STAG1: variants seen among roughly 807,000 people sequenced by gnomAD.
STAG1 encodes STAG1 cohesin complex component, also known as cohesin subunit SA-1.
Under a neutral mutation model 170.9 loss-of-function variants are expected in STAG1, and 26 were observed. That is an observed-to-expected ratio of 0.15 (90% CI 0.11 to 0.21). The LOEUF (loss-of-function observed/expected upper bound fraction) is 0.21, where lower values mean the gene tolerates loss of function less well. Among genes scored for constraint, STAG1 ranks in the 10% least tolerant of loss-of-function variants. The pLI is 1.00. For missense variants in STAG1, 964 were observed against 1,509.5 expected (o/e 0.64, Z 5.99); for synonymous variants, 514 against 497.7 (o/e 1.03, Z -0.44).
intron 16 of STAG1, among the ~76,000 whole-genome samples, chr3:136,429,398 ACT>A (rs1199327111): frequency 1.3e-5 from 2 of 152,118 alleles, no homozygotes; most frequent in East Asian, 1.9e-4. Context: ...CAAGAGCGAA[ACT>A]CTGTCTCAAA....
intron 5 of STAG1, among the ~76,000 whole-genome samples, chr3:136,550,409 G>A (rs1478515801): frequency 4.6e-5 from 7 of 151,512 alleles, no homozygotes; most frequent in African/African-American, 1.2e-4. Context: ...CCGGATTCAC[G>A]CCATTCTCCT....
Position 136,477,430 on chromosome 3 carries a change from A to G in STAG1, c.903-18T>C, listed in dbSNP as rs1351600270. The G allele has an allele frequency of 1.9e-6, 3 of 1,586,992 alleles. No homozygotes were observed. The South Asian group carries it at 3.5e-5, about 18-fold the overall frequency. On this transcript the variant is annotated intron_variant, in intron 9 of 33. Transcript: ENST00000383202. The stretch of plus-strand genomic sequence containing the variant: ...TAGCATCACTAGAGAGAGAAAAAAA[A>G]GACAATCTCAAATTAATATACAAAG...
At chr3:136,420,841 C>T (rs2087932145) in intron 20 of STAG1, among the ~76,000 whole-genome samples, 1 of 152,216 alleles carries the variant, frequency 6.6e-6, no homozygotes. Flanking sequence ...GAGGCACGAT[C>T]TCGGCTCACG....
At chr3:136,480,991 G>C (rs2089890454) in intron 9 of STAG1, among the ~76,000 whole-genome samples, 1 of 137,322 alleles carries the variant, frequency 7.3e-6, no homozygotes, top group East Asian at 2.4e-4. Flanking sequence ...TGAGACGATG[G>C]GGTTTTCTAG....
chr3:136,391,930 C>T (rs918899125), intron 22 of STAG1, among the ~76,000 whole-genome samples: 1 of 152,128 alleles, frequency 6.6e-6, no homozygotes, highest in African/African-American at 2.4e-5. Context: ...TTTCAAATAA[C>T]GATCAAAGCT....
intron 7 of STAG1, among the ~76,000 whole-genome samples, chr3:136,519,549 A>T (rs1934563058): frequency 6.6e-6 from 1 of 151,938 alleles, no homozygotes; most frequent in South Asian, 2.1e-4. Context: ...TTTTTTCCAA[A>T]TTGCTGAATT....
Position 136,343,840 on chromosome 3 carries a change from A to G in STAG1, c.3438T>C (p.Phe1146=), listed in dbSNP as rs780459415. The change falls in exon 30 of 34, where the codon TTT becomes TTC. Residue 1146 remains phenylalanine, a synonymous_variant. Transcript: ENST00000383202. ...AAATTTTTGCTACTTACTTGTGTAA[A>G]AAGTCTGGTTCAGAACCATGTTCAG... The part of the protein sequence containing the change: ...PESEHGSEPD[F]LHNPQMQISW... 8.4e-6 allele frequency: 13 copies of G among 1,541,618 alleles called. No individual in the cohort carries two copies. The highest frequency in any genetic ancestry group is 1.1e-5 in the Non-Finnish European group (13 of 1,146,288).
intron 9 of STAG1, among the ~76,000 whole-genome samples, chr3:136,497,928 C>T (rs1049694327): frequency 6.7e-6 from 1 of 150,364 alleles, no homozygotes; most frequent in Non-Finnish European, 1.5e-5. Context: ...CCTGGTGGCT[C>T]ACGACTATAA....
intron 26 of STAG1, among the ~76,000 whole-genome samples, chr3:136,362,440 G>T: frequency 6.6e-6 from 1 of 150,802 alleles, no homozygotes; most frequent in Middle Eastern, 3.2e-3. Context: ...TCAAAGTGCT[G>T]ATTGATGTAT....
At chr3:136,637,033 A>G (rs1235778995) in intron 1 of STAG1, among the ~76,000 whole-genome samples, 1 of 152,224 alleles carries the variant, frequency 6.6e-6, no homozygotes, top group African/African-American at 2.4e-5. Flanking sequence ...CCACACAGAC[A>G]TGGGGAAAAT....
At chr3:136,624,992 T>C (rs1230763175) in intron 2 of STAG1, among the ~76,000 whole-genome samples, 1 of 152,196 alleles carries the variant, frequency 6.6e-6, no homozygotes, top group African/African-American at 2.4e-5. Flanking sequence ...TTATATAAGT[T>C]AACTTTTTAA....
At chr3:136,739,722 G>A (rs1934557186) in intron 1 of STAG1, among the ~76,000 whole-genome samples, 2 of 151,870 alleles carry the variant, frequency 1.3e-5, no homozygotes, top group Non-Finnish European at 2.9e-5. Context: ...TACTCGAGAG[G>A]CTGAGGCAGG....
At chr3:136,564,020 C>T (rs958334026) in intron 5 of STAG1, among the ~76,000 whole-genome samples, 1 of 150,830 alleles carries the variant, frequency 6.6e-6, no homozygotes, top group Non-Finnish European at 1.5e-5. Flanking sequence ...AAGACTGTCT[C>T]GAAAAAAAAA....
At chr3:136,633,419 G>C (rs774009090) in intron 1 of STAG1, among the ~76,000 whole-genome samples, 5 of 152,258 alleles carry the variant, frequency 3.3e-5, no homozygotes, top group Non-Finnish European at 5.9e-5. Context: ...GCTAAAGGGA[G>C]GCCAGACATG....
intron 1 of STAG1, among the ~76,000 whole-genome samples, chr3:136,697,877 T>C (rs560881828): frequency 6.6e-6 from 1 of 152,286 alleles, no homozygotes; most frequent in Non-Finnish European, 1.5e-5. Flanking sequence ...GATACATTTA[T>C]AGAAATGGGA....
At chr3:136,597,695 C>A in intron 4 of STAG1, among the ~76,000 whole-genome samples, 1 of 152,008 alleles carries the variant, frequency 6.6e-6, no homozygotes, top group East Asian at 1.9e-4. Flanking sequence ...CTCATTAGTT[C>A]TAACAGTCTA....
chr3:136,490,327 T>A (rs2090100209), intron 9 of STAG1, among the ~76,000 whole-genome samples: 1 of 152,116 alleles, frequency 6.6e-6, no homozygotes, highest in Non-Finnish European at 1.5e-5. Flanking sequence ...CGCACCCGAC[T>A]GCTAAGAGTT....
intron 21 of STAG1, among the ~76,000 whole-genome samples, chr3:136,409,758 A>G (rs1422087760): frequency 1.3e-5 from 2 of 152,186 alleles, no homozygotes; most frequent in African/African-American, 2.4e-5. Flanking sequence ...AACTGCCATT[A>G]AAACAACCTA....
chr3:136,702,602 T>C (rs927715984), intron 1 of STAG1, among the ~76,000 whole-genome samples: 2 of 152,002 alleles, frequency 1.3e-5, no homozygotes, highest in African/African-American at 4.8e-5. Flanking sequence ...GCCAGGCTAG[T>C]CTCGAACTCC....
Sources: gnomAD v4.1 joint callset for allele counts (sites outside exome capture counted in the v4.1 genomes callset) on GRCh38, gnomAD v4.1.1 for gene constraint, MANE v1.5 for transcripts, NCBI Gene and HGNC (gene_info 2026-07-23, HGNC 2026-07-21) for gene names.